The following OPCML variants were observed in gnomAD, a reference collection of about 807,000 sequenced individuals.
OPCML encodes opioid binding protein/cell adhesion molecule like, also known as opioid-binding protein/cell adhesion molecule.
In OPCML, 13 loss-of-function variants were observed where a neutral mutation model predicts 37.8. That is an observed-to-expected ratio of 0.34 (90% CI 0.22 to 0.55). The LOEUF is 0.55. Among genes scored for constraint, OPCML ranks in the 20% least tolerant of loss-of-function variants. OPCML has a pLI of 0.91. For synonymous variants in OPCML, 176 were observed against 168.8 expected (o/e 1.04, Z -0.33); for missense variants, 341 against 435.6 (o/e 0.78, Z 1.93).
chr11:132,850,089 G>C (rs1237379339), intron 2 of OPCML, among the ~76,000 whole-genome samples: 1 of 152,188 alleles, frequency 6.6e-6, no homozygotes, highest in Admixed American at 6.5e-5. Flanking sequence ...ATAGTGAAGT[G>C]TGTGCATTTT....
intron 4 of OPCML, among the ~76,000 whole-genome samples, chr11:132,518,546 GT>G (rs780933344): frequency 7.9e-5 from 12 of 152,158 alleles, no homozygotes; most frequent in Non-Finnish European, 1.2e-4. Context: ...TGGATGTGCT[GT>G]TCCCTGCCTT....
At position 133,416,070 on chromosome 11, in the gene OPCML, T is replaced by C. The variant is rs7130747; in HGVS notation, c.61+116194A>G. On this transcript the variant is annotated intron_variant, in intron 1 of 7. Coordinates refer to ENST00000524381, the MANE Select transcript of OPCML (RefSeq NM_001012393.5). ...AGACCCATACGAGACTTCTGACCAA[T>C]GGAAATATAAGATAGTAAGTGTCTG... is the stretch of plus-strand genomic sequence containing the variant. Among the ~76,000 whole-genome samples, 652 of 152,278 alleles carry C rather than the reference T, an allele frequency of 4.3e-3. 6 individuals are homozygous for C. The highest frequency in any genetic ancestry group is 0.015 in the African/African-American group (616 of 41,558).
At chr11:132,569,232 G>A (rs917467720) in intron 3 of OPCML, among the ~76,000 whole-genome samples, 4 of 152,172 alleles carry the variant, frequency 2.6e-5, no homozygotes, top group African/African-American at 9.7e-5. Context: ...ATTAGGAAAC[G>A]CCCTAGTTCA....
intron 3 of OPCML, among the ~76,000 whole-genome samples, chr11:132,542,506 A>C (rs2096359237): frequency 6.6e-6 from 1 of 152,250 alleles, no homozygotes. Flanking sequence ...TTTGGAAGCC[A>C]CATCAGCAGG....
intron 2 of OPCML, among the ~76,000 whole-genome samples, chr11:132,842,870 G>A (rs1484107004): frequency 2.0e-5 from 3 of 152,140 alleles, no homozygotes; most frequent in East Asian, 1.9e-4. Context: ...GTGATGCTAC[G>A]ACACTGAAGG....
At chr11:133,298,401 T>C (rs1942684325) in intron 1 of OPCML, 1 of 152,138 alleles carries the variant, frequency 6.6e-6, no homozygotes, top group Non-Finnish European at 1.5e-5. Flanking sequence ...CTTCATTAAA[T>C]AAATATGTTC....
chr11:133,318,102 A>T (rs1193294828), intron 1 of OPCML, among the ~76,000 whole-genome samples: 1 of 152,138 alleles, frequency 6.6e-6, no homozygotes, highest in African/African-American at 2.4e-5. Flanking sequence ...GTGATGTCCC[A>T]CTGGCATTGT....
At chr11:133,341,747 C>T (rs1374846754) in intron 1 of OPCML, among the ~76,000 whole-genome samples, 1 of 152,088 alleles carries the variant, frequency 6.6e-6, no homozygotes, top group Non-Finnish European at 1.5e-5. Flanking sequence ...GGCAAAACCC[C>T]ATCTCTACTA....
Position 132,451,802 on chromosome 11 carries a change from T to G in OPCML, c.506-14443A>C, listed in dbSNP as rs570818648. 5.3e-5 allele frequency among the ~76,000 whole-genome samples: 8 copies of G among 152,278 alleles called. No individual in the cohort carries two copies. In the South Asian group the frequency reaches 6.2e-4, roughly 12 times the overall value. On this transcript the variant is annotated intron_variant, in intron 4 of 7. Transcript: ENST00000524381. Reference sequence around the variant, plus strand: ...CAAAAGCACAAACAAAAGACTTTTTTTGTGTGTGTTCCATCAATGTGCTGC... The same window carrying G: ...CAAAAGCACAAACAAAAGACTTTTTGTGTGTGTGTTCCATCAATGTGCTGC...
intron 4 of OPCML, among the ~76,000 whole-genome samples, chr11:132,516,637 T>C (rs2096280445): frequency 6.6e-6 from 1 of 152,144 alleles, no homozygotes; most frequent in African/African-American, 2.4e-5. Flanking sequence ...GAAAGGTTAG[T>C]GAATCAATTG....
At chr11:132,467,872 T>C (rs2096124513) in intron 4 of OPCML, among the ~76,000 whole-genome samples, 1 of 152,174 alleles carries the variant, frequency 6.6e-6, no homozygotes, top group South Asian at 2.1e-4. Flanking sequence ...CTATTCAAGC[T>C]GCATTCAAAA....
At chr11:133,326,189 AC>A (rs1388378710) in intron 1 of OPCML, among the ~76,000 whole-genome samples, 1 of 151,276 alleles carries the variant, frequency 6.6e-6, no homozygotes, top group African/African-American at 2.4e-5. Context: ...GCTTTATTCC[AC>A]CCGATTTTGC....
chr11:132,752,532 G>A (rs1945870242), intron 2 of OPCML, among the ~76,000 whole-genome samples: 1 of 152,076 alleles, frequency 6.6e-6, no homozygotes, highest in African/African-American at 2.4e-5. Flanking sequence ...GAATCATAAG[G>A]AAAATCCCCC....
intron 3 of OPCML, among the ~76,000 whole-genome samples, chr11:132,636,903 G>GA (rs1307960135): frequency 1.5e-4 from 23 of 151,938 alleles, no homozygotes; most frequent in African/African-American, 5.3e-4. Flanking sequence ...TCTAAAAAAA[G>GA]AGAAAAAAAG....
chr11:133,403,882 A>C (rs377685318), intron 1 of OPCML, among the ~76,000 whole-genome samples: 17 of 152,326 alleles, frequency 1.1e-4, no homozygotes, highest in African/African-American at 3.8e-4. Flanking sequence ...AAGATCTACT[A>C]CCTTCCAAGC....
At chr11:132,583,641 A>C (rs1431653172) in intron 3 of OPCML, among the ~76,000 whole-genome samples, 1 of 151,272 alleles carries the variant, frequency 6.6e-6, no homozygotes, top group Non-Finnish European at 1.5e-5. Context: ...TTTGAAAGAG[A>C]GTTTTGCTCT....
chr11:132,975,914 G>T (rs1299031073), intron 1 of OPCML, among the ~76,000 whole-genome samples: 1 of 152,072 alleles, frequency 6.6e-6, no homozygotes, highest in African/African-American at 2.4e-5. Context: ...GGGACTACAG[G>T]TGCCCGCCAC....
intron 1 of OPCML, among the ~76,000 whole-genome samples, chr11:133,233,126 G>A (rs575783709): frequency 6.6e-6 from 1 of 152,286 alleles, no homozygotes; most frequent in East Asian, 1.9e-4. Flanking sequence ...ATTCCTAAAA[G>A]ATCAACAGCA....
At chr11:133,344,889 C>T (rs1943960088) in intron 1 of OPCML, among the ~76,000 whole-genome samples, 1 of 152,146 alleles carries the variant, frequency 6.6e-6, no homozygotes, top group South Asian at 2.1e-4. Context: ...AATTGGGACA[C>T]CTCTTAGGAG....
Sources: allele counts gnomAD v4.1 joint callset (sites outside exome capture counted in the v4.1 genomes callset), GRCh38; gene constraint gnomAD v4.1.1; transcripts MANE v1.5; gene names NCBI Gene and HGNC (gene_info 2026-07-23, HGNC 2026-07-21).